CACNA1D: variants seen among roughly 807,000 people sequenced by gnomAD.
The protein encoded by CACNA1D is calcium voltage-gated channel subunit alpha1 D, also known as voltage-dependent L-type calcium channel subunit alpha-1D.
CACNA1D carries 55 observed loss-of-function variants against 257.1 expected under a neutral mutation model. That is an observed-to-expected ratio of 0.21 (90% confidence interval 0.17 to 0.27). CACNA1D has a LOEUF of 0.27. Among genes scored for constraint, CACNA1D ranks in the 10% least tolerant of loss-of-function variants. CACNA1D has a pLI of 1.00. For synonymous variants in CACNA1D, 980 were observed against 1,014.9 expected (o/e 0.97, Z 0.65); for missense variants, 1,876 against 2,784.0 (o/e 0.67, Z 7.34).
In CACNA1D at chr3:53,723,722, C is replaced by G. The variant is rs143499065; in HGVS notation, c.1892+63C>G. 6.4e-7 allele frequency: 1 copy of G among 1,571,370 alleles called. No individual in the cohort carries two copies. Among genetic ancestry groups the G allele is most frequent in the African/African-American group, 1.4e-5 (1 of 74,062 alleles). ...ACATGAGGCGGCAACCAGTCACATC[C>G]CCGGGCAGGTGATGTTCTGCTCTGT... On this transcript the variant is annotated intron_variant, in intron 13 of 47. Transcript: ENST00000350061. This position sits in a 1 kb window ranked among gnomAD's most constrained non-coding sequence, Gnocchi z 5.6.
intron 45 of CACNA1D, 92 bp downstream of exon 45, chr3:53,805,238 T>G: frequency 8.1e-7 from 1 of 1,239,660 alleles, no homozygotes; most frequent in South Asian, 1.2e-5. Context: ...GATGGATGTG[T>G]GCTGCCAGGT....
chr3:53,796,966 T>C (rs1239703236), intron 40 of CACNA1D, among the ~76,000 whole-genome samples: 1 of 152,262 alleles, frequency 6.6e-6, no homozygotes, highest in East Asian at 1.9e-4. Context: ...TAAGTGCTAA[T>C]GACCACTTTT....
intron 3 of CACNA1D, among the ~76,000 whole-genome samples, chr3:53,544,311 A>G (rs1223586110): frequency 1.3e-5 from 2 of 152,208 alleles, no homozygotes; most frequent in African/African-American, 2.4e-5. Context: ...TATAGAAATT[A>G]TATAGTACAA....
chr3:53,503,497 A>G (rs540313927), intron 3 of CACNA1D, among the ~76,000 whole-genome samples: 1 of 152,364 alleles, frequency 6.6e-6, no homozygotes, highest in East Asian at 1.9e-4. Context: ...TCAAGAGAAC[A>G]TGATTAAACA....
At chr3:53,572,345 C>A (rs1008416716) in intron 3 of CACNA1D, among the ~76,000 whole-genome samples, 1 of 151,016 alleles carries the variant, frequency 6.6e-6, no homozygotes, top group Non-Finnish European at 1.5e-5. Context: ...TTTTTTGGCC[C>A]TCTCTGCCTC....
chr3:53,711,773 C>T (rs1046045864), intron 9 of CACNA1D, among the ~76,000 whole-genome samples: 1 of 152,162 alleles, frequency 6.6e-6, no homozygotes, highest in Non-Finnish European at 1.5e-5. Flanking sequence ...ATCAGAAGGC[C>T]TAAAAGTGAA....
At chr3:53,647,560 C>T (rs560467416) in intron 3 of CACNA1D, among the ~76,000 whole-genome samples, 1 of 152,228 alleles carries the variant, frequency 6.6e-6, no homozygotes, top group Non-Finnish European at 1.5e-5. Flanking sequence ...CCCACAGTCC[C>T]ACCTTGCCTG....
chr3:53,669,154 T>C (rs892892724), intron 7 of CACNA1D, among the ~76,000 whole-genome samples: 1 of 152,264 alleles, frequency 6.6e-6, no homozygotes, highest in African/African-American at 2.4e-5. Flanking sequence ...TTGTTTTTAA[T>C]TACCTGTTGA....
chr3:53,643,396 C>T (rs2093983955), intron 3 of CACNA1D, among the ~76,000 whole-genome samples: 1 of 152,148 alleles, frequency 6.6e-6, no homozygotes. Flanking sequence ...TGTGATAGCG[C>T]TGCGGCTCCC....
At chr3:53,796,934 T>C (rs2095510135) in intron 40 of CACNA1D, among the ~76,000 whole-genome samples, 1 of 152,258 alleles carries the variant, frequency 6.6e-6, no homozygotes, top group African/African-American at 2.4e-5. Flanking sequence ...AATGACTTTA[T>C]ATGGCTTTAA....
At chr3:53,539,845 G>A (rs1386335935) in intron 3 of CACNA1D, among the ~76,000 whole-genome samples, 2 of 152,220 alleles carry the variant, frequency 1.3e-5, no homozygotes, top group African/African-American at 4.8e-5. Context: ...TTACCAGTGA[G>A]GTTAAACACT....
chr3:53,532,176 CTGTTA>C (rs1369488106), intron 3 of CACNA1D, among the ~76,000 whole-genome samples: 4 of 152,170 alleles, frequency 2.6e-5, no homozygotes, highest in Non-Finnish European at 5.9e-5. Flanking sequence ...AAGACTAGTC[CTGTTA>C]TAACAAAGCC....
At chr3:53,685,368 A>G (rs938232326) in intron 8 of CACNA1D, among the ~76,000 whole-genome samples, 16 of 151,840 alleles carry the variant, frequency 1.1e-4, no homozygotes, top group Admixed American at 2.0e-4. Context: ...ATCTAGAAAC[A>G]TAGATGAAAA....
intron 40 of CACNA1D, among the ~76,000 whole-genome samples, chr3:53,794,708 T>G (rs1324883211): frequency 2.0e-5 from 3 of 152,164 alleles, no homozygotes; most frequent in Admixed American, 2.0e-4. Flanking sequence ...AACAAGAACA[T>G]GCAAGCACAA....
intron 3 of CACNA1D, among the ~76,000 whole-genome samples, chr3:53,504,343 A>C (rs1181472254): frequency 6.6e-6 from 1 of 152,098 alleles, no homozygotes; most frequent in African/African-American, 2.4e-5. Context: ...GCCTGTTACC[A>C]GTTACCTAGT....
intron 3 of CACNA1D, among the ~76,000 whole-genome samples, chr3:53,594,609 T>C (rs2093347796): frequency 1.3e-5 from 2 of 152,190 alleles, no homozygotes; most frequent in African/African-American, 4.8e-5. Flanking sequence ...GGGAAGGCCA[T>C]GTGGGGCTCT....
At chr3:53,795,545 T>G (rs777292516) in intron 40 of CACNA1D, among the ~76,000 whole-genome samples, 21 of 152,204 alleles carry the variant, frequency 1.4e-4, no homozygotes, top group Non-Finnish European at 2.2e-4. Flanking sequence ...GGGAATAACT[T>G]TGGCTCTCCC....
Position 53,774,288 on chromosome 3 carries a change from C to G in CACNA1D, c.4111-299C>G. On this transcript the variant is annotated intron_variant, in intron 33 of 47. Coordinates refer to ENST00000350061, the MANE Select transcript of CACNA1D (RefSeq NM_001128840.3). This position sits in a 1 kb window ranked among gnomAD's most constrained non-coding sequence, Gnocchi z 4.3. Reference sequence around the variant, plus strand: ...GCCTGTCTCACGCTTCCCTGTGTGTCTGGACCACCCCAGCATCATCACTGG... The same window carrying G: ...GCCTGTCTCACGCTTCCCTGTGTGTGTGGACCACCCCAGCATCATCACTGG... The G allele has an allele frequency of 2.5e-6, 1 of 395,774 alleles. No homozygotes were observed. The allele number at this position is 395,774 out of a possible 1,614,324, so 24.5% of individuals were successfully genotyped here. A position where few individuals can be genotyped will look rare whatever the true frequency, so the allele number is the denominator to read the frequency against.
At chr3:53,606,015 G>A (rs991170628) in intron 3 of CACNA1D, among the ~76,000 whole-genome samples, 4 of 152,160 alleles carry the variant, frequency 2.6e-5, no homozygotes, top group South Asian at 4.1e-4. Context: ...CTGTTACCCC[G>A]TGACTTAAAT....
Sources: allele counts gnomAD v4.1 joint callset (sites outside exome capture counted in the v4.1 genomes callset), GRCh38; gene constraint gnomAD v4.1.1; non-coding constraint Gnocchi (gnomAD v3.1); transcripts MANE v1.5; gene names NCBI Gene and HGNC (gene_info 2026-07-23, HGNC 2026-07-21).